The following LYST variants were observed in gnomAD, a reference collection of about 807,000 sequenced individuals.
LYST encodes lysosomal-trafficking regulator.
Under a neutral mutation model 413.6 loss-of-function variants are expected in LYST, and 192 were observed. The ratio of observed to expected loss-of-function variants is 0.46; its 90% CI spans 0.41 to 0.52. LYST has a LOEUF of 0.52. LYST is among the 20% of genes least tolerant of loss of function. The pLI is 0.00. For missense variants in LYST, 3,815 were observed against 4,499.9 expected (o/e 0.85, Z 4.35); for synonymous variants, 1,525 against 1,567.3 (o/e 0.97, Z 0.64).
chr1:235,744,556 T>A lies in LYST; in HGVS notation c.7973-399A>T, dbSNP rs1338208521. ...TATATGTGATAATCATGGTTCAATT[T>A]CAGAGTTTAGTCTGGGAGTCTGTTG... On this transcript the variant is annotated intron_variant, in intron 29 of 52. Coordinates refer to ENST00000389793, the MANE Select transcript of LYST (RefSeq NM_000081.4). 7.9e-5 allele frequency among the ~76,000 whole-genome samples: 12 copies of A among 152,160 alleles called. No homozygotes were observed. In the East Asian group the frequency reaches 2.3e-3, roughly 29 times the overall value.
chr1:235,742,776 TTGAGTA>T (rs1358607978), intron 30 of LYST, among the ~76,000 whole-genome samples: 8 of 152,136 alleles, frequency 5.3e-5, no homozygotes, highest in African/African-American at 1.9e-4. Flanking sequence ...TGCTACATTA[TTGAGTA>T]TAATAGTCAC....
At chr1:235,734,233 C>T (rs1664625449) in intron 32 of LYST, among the ~76,000 whole-genome samples, 2 of 152,084 alleles carry the variant, frequency 1.3e-5, no homozygotes, top group Non-Finnish European at 2.9e-5. Context: ...TTGCTTGTCA[C>T]TTTAAAAATC....
intron 1 of LYST, among the ~76,000 whole-genome samples, chr1:235,835,447 C>G (rs1409991184): frequency 1.3e-5 from 2 of 152,164 alleles, no homozygotes; most frequent in African/African-American, 4.8e-5. Flanking sequence ...GGCAGCTGGT[C>G]AGCTAGATCC....
At chr1:235,851,180 A>ATG (rs1044759090) in intron 1 of LYST, among the ~76,000 whole-genome samples, 94 of 130,232 alleles carry the variant, frequency 7.2e-4, no homozygotes, top group East Asian at 4.2e-3. Flanking sequence ...ATGTATGTAT[A>ATG]TGTGTGTGTA....
chr1:235,785,975 GCACT>G (rs1379351659), intron 14 of LYST, among the ~76,000 whole-genome samples: 6 of 152,092 alleles, frequency 3.9e-5, no homozygotes, highest in Non-Finnish European at 5.9e-5. Flanking sequence ...TATATTTCTA[GCACT>G]CTATCTGAAT....
At chr1:235,793,966 G>A (rs1340888032) in intron 10 of LYST, among the ~76,000 whole-genome samples, 3 of 152,060 alleles carry the variant, frequency 2.0e-5, no homozygotes, top group East Asian at 1.9e-4. Flanking sequence ...CCGAGGAGCT[G>A]GGACTACAGG....
chr1:235,761,273 A>G (rs917337296), intron 22 of LYST, among the ~76,000 whole-genome samples: 5 of 152,184 alleles, frequency 3.3e-5, no homozygotes, highest in Non-Finnish European at 7.3e-5. Flanking sequence ...TCTCACCTGC[A>G]GTATTTAATA....
Position 235,759,031 on chromosome 1 carries a change from T to C in LYST, c.6822A>G (p.Glu2274=), listed in dbSNP as rs777424733. The C allele has an allele frequency of 3.7e-6, 6 of 1,614,100 alleles. No individual in the cohort carries two copies. In the East Asian group the frequency reaches 1.3e-4, roughly 36 times the overall value. Residue 2274 remains glutamate, a synonymous_variant, in exon 23 of 53, where the codon GAA becomes GAG. Transcript: ENST00000389793. ...CATAACCAAGAGAATAGGCAAAGTT[T>C]TCCCAATCATCAGTGTTTCTATCAA... ...SLVDRNTDDW[E]NFAYSLGYEP...
chr1:235,700,588 C>T (rs1456342280), intron 45 of LYST, among the ~76,000 whole-genome samples: 1 of 152,150 alleles, frequency 6.6e-6, no homozygotes, highest in East Asian at 1.9e-4. Context: ...TGCTTGGTTT[C>T]AAGGCTTGTG....
At chr1:235,795,028 A>T (rs1671409409) in intron 10 of LYST, among the ~76,000 whole-genome samples, 1 of 152,326 alleles carries the variant, frequency 6.6e-6, no homozygotes, top group South Asian at 2.1e-4. Context: ...AGAGATTTAA[A>T]AATATTTCTT....
chr1:235,799,379 T>C (rs1364254143), intron 10 of LYST, among the ~76,000 whole-genome samples: 1 of 152,074 alleles, frequency 6.6e-6, no homozygotes, highest in Non-Finnish European at 1.5e-5. Context: ...AAAGGGAAAA[T>C]AGTAACTTTA....
At position 235,693,471 on chromosome 1, in the gene LYST, T is replaced by C. The variant is rs1572011742; in HGVS notation, c.10580A>G (p.Asn3527Ser). The C allele has an allele frequency of 1.2e-6, 2 of 1,613,946 alleles. No homozygotes were observed. Among genetic ancestry groups the C allele is most frequent in the African/African-American group, 1.3e-5 (1 of 74,934 alleles). The change falls in exon 47 of 53, where the codon AAC becomes AGC. Residue 3527 changes from asparagine (N) to serine (S), a missense_variant. By Grantham distance (46) the Asn-to-Ser change is conservative. Around this residue, in one of 4 missense-constraint regions of LYST, gnomAD observed 866 missense variants for 1,156.0 expected, o/e 0.75. Coordinates refer to ENST00000389793, the MANE Select transcript of LYST (RefSeq NM_000081.4). Reference protein sequence around the residue: ...YSKEQGVRSMNSTDIQWSAIL... With the variant: ...YSKEQGVRSMSSTDIQWSAIL... ...GGCTGACCACTGAATGTCCGTACTG[T>C]TCATGCTTCTCACACCTCAAGGAGA... is the stretch of plus-strand genomic sequence containing the variant.
chr1:235,825,420 CATT>C (rs1159099081), intron 3 of LYST, among the ~76,000 whole-genome samples: 5 of 152,094 alleles, frequency 3.3e-5, no homozygotes, highest in Admixed American at 6.6e-5. Flanking sequence ...CAGATGACAT[CATT>C]ATTTACATAC....
At chr1:235,703,117 A>T in intron 44 of LYST, 140 bp from the exon 45 acceptor site, 1 of 682,326 alleles carries the variant, frequency 1.5e-6, no homozygotes, top group Non-Finnish European at 2.6e-6. Flanking sequence ...ACAATCACTC[A>T]TGGTCTCACT....
At chr1:235,782,732 A>G (rs1050590520) in intron 14 of LYST, among the ~76,000 whole-genome samples, 1 of 152,206 alleles carries the variant, frequency 6.6e-6, no homozygotes, top group African/African-American at 2.4e-5. Flanking sequence ...AATTTTGCCA[A>G]GAAGTCTCCC....
chr1:235,770,349 G>C, intron 19 of LYST, 52 bp from the exon 20 acceptor site: 2 of 1,563,996 alleles, frequency 1.3e-6, no homozygotes, highest in Non-Finnish European at 1.8e-6. Flanking sequence ...AAAATATGCA[G>C]CATGCTTTTT....
chr1:235,668,053 G>A (rs902074288), intron 50 of LYST, among the ~76,000 whole-genome samples: 1 of 151,978 alleles, frequency 6.6e-6, no homozygotes, highest in Non-Finnish European at 1.5e-5. Context: ...GTATTGTTTG[G>A]ATAATAATAA....
intron 20 of LYST, among the ~76,000 whole-genome samples, chr1:235,768,576 A>T (rs904457677): frequency 6.6e-6 from 1 of 152,112 alleles, no homozygotes; most frequent in Non-Finnish European, 1.5e-5. Context: ...GGCTCTTTGA[A>T]CAAACAAGGG....
chr1:235,745,647 A>G (rs1665844471), intron 29 of LYST, among the ~76,000 whole-genome samples: 2 of 152,288 alleles, frequency 1.3e-5, no homozygotes, highest in South Asian at 4.1e-4. Flanking sequence ...TATTTGTAAT[A>G]GCCAAAAACT....
Sources: allele counts gnomAD v4.1 joint callset (sites outside exome capture counted in the v4.1 genomes callset), GRCh38; gene constraint gnomAD v4.1.1; regional missense constraint gnomAD v4.1.1; transcripts MANE v1.5; gene names NCBI Gene and HGNC (gene_info 2026-07-23, HGNC 2026-07-21).